WNK3: variants seen among roughly 807,000 people sequenced by gnomAD.
The protein encoded by WNK3 is WNK lysine deficient protein kinase 3.
A neutral mutation model predicts 116.7 loss-of-function variants in WNK3; 18 were observed. The ratio of observed to expected loss-of-function variants is 0.15; its 90% CI spans 0.11 to 0.23. WNK3 has a LOEUF of 0.23. WNK3 is among the 10% of genes least tolerant of loss of function. The pLI, the probability that WNK3 is intolerant of heterozygous loss-of-function variation, is 1.00. For synonymous variants in WNK3, 404 were observed against 469.4 expected (o/e 0.86, Z 1.80); for missense variants, 993 against 1,323.8 (o/e 0.75, Z 3.88).
intron 13 of WNK3, among the ~76,000 whole-genome samples, chrX:54,252,629 C>T (rs934665860): frequency 1.6e-4 from 17 of 104,125 alleles, no homozygotes; most frequent in African/African-American, 4.6e-4. Context: ...AAGATCACAC[C>T]ACTGCCCTCC....
chrX:54,216,141 C>T (rs985319842), intron 22 of WNK3, among the ~76,000 whole-genome samples: 3 of 109,868 alleles, frequency 2.7e-5, no homozygotes, highest in Non-Finnish European at 5.7e-5. Context: ...ACAAACACTG[C>T]GGAAGGTGGA....
chrX:54,255,260 G>A (rs897813113), intron 12 of WNK3, among the ~76,000 whole-genome samples: 1 of 111,673 alleles, frequency 9.0e-6, no homozygotes, highest in African/African-American at 3.3e-5. Flanking sequence ...GATTACAGGC[G>A]TGAGCCACTG....
intron 2 of WNK3, among the ~76,000 whole-genome samples, chrX:54,331,381 CAT>C (rs151229462): frequency 0.01 from 1,041 of 102,446 alleles, 13 homozygotes; most frequent in African/African-American, 0.031. Context: ...TGTGTGTGTG[CAT>C]ATATATATAT....
intron 22 of WNK3, among the ~76,000 whole-genome samples, chrX:54,211,313 G>A (rs1297946789): frequency 9.2e-6 from 1 of 108,924 alleles, no homozygotes; most frequent in Non-Finnish European, 1.9e-5. Flanking sequence ...GTGGTGATGC[G>A]TGCCTGTAAT....
At chrX:54,344,961 A>T (rs1366939554) in intron 1 of WNK3, among the ~76,000 whole-genome samples, 27 of 77,617 alleles carry the variant, frequency 3.5e-4, no homozygotes, top group Admixed American at 3.2e-4. Context: ...AAAAAAAAAA[A>T]TTTTGAGGCC....
At chrX:54,233,061 C>T (rs781794916) in intron 20 of WNK3, 41 bp from the exon 21 acceptor site, 1 of 1,067,875 alleles carries the variant, frequency 9.4e-7, no homozygotes, top group Non-Finnish European at 1.3e-6. Context: ...ATGGCACTGG[C>T]TCCATAAAGA....
chrX:54,211,438 T>C (rs781878218), intron 22 of WNK3, among the ~76,000 whole-genome samples: 1 of 92,869 alleles, frequency 1.1e-5, no homozygotes, highest in Non-Finnish European at 2.1e-5. Context: ...CTAGACTCTG[T>C]CTCAAAAAAA....
At chrX:54,195,026 C>T (rs1557139762) in exon 24 of WNK3, 1 of 111,700 alleles carries the variant, frequency 9.0e-6, no homozygotes, top group Non-Finnish European at 1.9e-5. Context: ...TGTTATATTA[C>T]AGCAAATTAC....
chrX:54,326,869 C>T (rs1298241390), intron 2 of WNK3, among the ~76,000 whole-genome samples: 1 of 109,641 alleles, frequency 9.1e-6, no homozygotes, highest in Non-Finnish European at 1.9e-5. Context: ...GCCTGTAGTC[C>T]CAGCTACTCG....
intron 6 of WNK3, among the ~76,000 whole-genome samples, chrX:54,301,548 A>G (rs782784371): frequency 2.9e-3 from 328 of 111,415 alleles, no homozygotes; most frequent in Non-Finnish European, 4.9e-3. Flanking sequence ...AGGCACACAC[A>G]CACACAAACG....
intron 10 of WNK3, among the ~76,000 whole-genome samples, chrX:54,291,870 C>T (rs782491759): frequency 5.3e-4 from 59 of 111,666 alleles, no homozygotes; most frequent in African/African-American, 1.9e-3. Context: ...CTAGCTAAAT[C>T]AGGCATTCTC....
intron 1 of WNK3, among the ~76,000 whole-genome samples, chrX:54,352,438 C>T (rs186653032): frequency 8.1e-5 from 9 of 110,827 alleles, no homozygotes; most frequent in African/African-American, 2.9e-4. Flanking sequence ...CTTTGAGAGG[C>T]TAAGGCAGGA....
chrX:54,249,601 C>T (rs2068108655), exon 17 of WNK3: 3 of 1,209,486 alleles, frequency 2.5e-6, no homozygotes, highest in South Asian at 1.8e-5. Flanking sequence ...CAATGTGTCC[C>T]GTGATATTTC....
upstream of WNK3, among the ~76,000 whole-genome samples, chrX:54,358,284 C>T (rs1332881975): frequency 9.0e-6 from 1 of 111,077 alleles, no homozygotes; most frequent in African/African-American, 3.3e-5. Flanking sequence ...TTAGAGGAAG[C>T]ACGCGCGACA....
intron 22 of WNK3, among the ~76,000 whole-genome samples, chrX:54,214,913 C>T (rs1479361043): frequency 9.2e-5 from 10 of 108,429 alleles, no homozygotes; most frequent in Non-Finnish European, 1.7e-4. Context: ...CTCAGGAGGC[C>T]GAGGCAGGAA....
chrX:54,300,247 G>A (rs1403474939), intron 6 of WNK3, among the ~76,000 whole-genome samples: 1 of 110,973 alleles, frequency 9.0e-6, no homozygotes, highest in East Asian at 2.8e-4. Flanking sequence ...CCAACTCCTG[G>A]GCTCAAGCAA....
chrX:54,328,628 G>A (rs782070923), intron 2 of WNK3, among the ~76,000 whole-genome samples: 13 of 110,839 alleles, frequency 1.2e-4, no homozygotes, highest in African/African-American at 3.9e-4. Context: ...AGGAGAAGAC[G>A]AAGCAATATC....
intron 10 of WNK3, among the ~76,000 whole-genome samples, chrX:54,264,604 A>G (rs781798363): frequency 1.8e-5 from 2 of 111,481 alleles, no homozygotes; most frequent in Admixed American, 1.9e-4. Context: ...CTGACACATA[A>G]AAGAGTGATA....
intron 22 of WNK3, among the ~76,000 whole-genome samples, chrX:54,219,697 A>T (rs1410516558): frequency 2.9e-5 from 3 of 102,988 alleles, no homozygotes; most frequent in Non-Finnish European, 6.0e-5. Flanking sequence ...AAAAAAAAAA[A>T]AAAGGAAGGA....
Sources: allele counts gnomAD v4.1 joint callset (sites outside exome capture counted in the v4.1 genomes callset), GRCh38; gene constraint gnomAD v4.1.1; transcripts MANE v1.5; gene names NCBI Gene and HGNC (gene_info 2026-07-23, HGNC 2026-07-21).